Variants in KIAA0753 observed in about 807,000 individuals in gnomAD.
KIAA0753 encodes the protein KIAA0753.
A neutral mutation model predicts 116.9 loss-of-function variants in KIAA0753; 114 were observed. That is an observed-to-expected ratio of 0.98 (90% CI 0.84 to 1.14). The LOEUF is 1.14. KIAA0753 is among the 50% of genes most tolerant of loss of function. KIAA0753 has a pLI of 0.00. For missense variants in KIAA0753, 1,156 were observed against 1,172.4 expected, an observed-to-expected ratio of 0.99 and a Z score of 0.20; for synonymous variants, 405 against 413.1, an observed-to-expected ratio of 0.98 and a Z score of 0.24.
intron 12 of KIAA0753, among the ~76,000 whole-genome samples, chr17:6,606,352 G>A (rs1970194389): frequency 6.6e-6 from 1 of 152,174 alleles, no homozygotes; most frequent in Admixed American, 6.5e-5. Flanking sequence ...GGAAAAATGA[G>A]GTAATTGCAG....
intron 5 of KIAA0753, 142 bp from the exon 6 acceptor site, chr17:6,623,239 T>C (rs1407181352): frequency 1.8e-5 from 16 of 882,218 alleles, no homozygotes; most frequent in Non-Finnish European, 2.4e-5. Context: ...GTAAAGGGAG[T>C]TGTAAAGTTT....
At chr17:6,583,804 T>C (rs1358071670) in intron 18 of KIAA0753, among the ~76,000 whole-genome samples, 1 of 152,224 alleles carries the variant, frequency 6.6e-6, no homozygotes, top group Non-Finnish European at 1.5e-5. Context: ...ATAGCTCTAA[T>C]GTTTGTATCT....
In KIAA0753 at chr17:6,635,100, C is replaced by T; in HGVS notation, c.4G>A (p.Gly2Arg). MGPGQPASTCVH... is the reference protein window; with the variant it reads MRPGQPASTCVH... ...CAGGTTGAAGCTGGCTGGCCTGGTC[C>T]CATAATGTCAGGTAGTACAGAACAA... The change falls in exon 2 of 19, where the codon GGA becomes AGA. Residue 2 changes from glycine (G) to arginine (R), a missense_variant. Gly to Arg is a moderately radical substitution (Grantham distance 125). Coordinates refer to ENST00000361413, the MANE Select transcript of KIAA0753 (RefSeq NM_014804.3). The T allele has an allele frequency of 1.9e-6, 3 of 1,612,090 alleles. No homozygotes were observed. Among genetic ancestry groups the T allele is most frequent in the Non-Finnish European group, 2.5e-6 (3 of 1,178,202 alleles).
rs1968001615 is a variant in KIAA0753, at chr17:6,579,751, G to A, written c.2900C>T (p.Thr967Ile). The A allele has an allele frequency of 1.2e-6, 2 of 1,607,398 alleles. No homozygotes were observed. Among genetic ancestry groups the A allele is most frequent in the Non-Finnish European group, 1.7e-6 (2 of 1,174,334 alleles). Reference sequence around the variant, plus strand: ...TGGCCTCGCCTCAGAGAGCCTTTATGTAGCAGCCTCTAAGAATTCTGAGGT... The same window carrying A: ...TGGCCTCGCCTCAGAGAGCCTTTATATAGCAGCCTCTAAGAATTCTGAGGT... ...VFTSEFLEAA[T>I] Residue 967 changes from threonine to isoleucine, a missense_variant, in exon 19 of 19, where the codon ACA becomes ATA. By Grantham distance (89) the Thr-to-Ile change is moderately conservative. Coordinates refer to ENST00000361413, the MANE Select transcript of KIAA0753 (RefSeq NM_014804.3).
In KIAA0753 at chr17:6,624,902, C is replaced by T. The variant is rs922522372; in HGVS notation, c.719-41G>A. 3.8e-6 allele frequency: 5 copies of T among 1,306,690 alleles called. No homozygotes were observed. The African/African-American group carries it at 5.9e-5, about 15-fold the overall frequency. The allele number at this position is 1,306,690 out of a possible 1,614,324, so 80.9% of individuals were successfully genotyped here. A position where few individuals can be genotyped will look rare whatever the true frequency, so the allele number is the denominator to read the frequency against. On this transcript the variant is annotated intron_variant, in intron 3 of 18. Coordinates refer to ENST00000361413, the MANE Select transcript of KIAA0753 (RefSeq NM_014804.3). ...GTTTTCCCCAAAAGTGGATTATAAA[C>T]CATATATTAAAACTTACAAAGACTT...
chr17:6,617,874 A>G (rs8079045), intron 7 of KIAA0753, among the ~76,000 whole-genome samples: 97,923 of 152,132 alleles, frequency 0.64, 32,200 homozygotes, highest in African/African-American at 0.78. Context: ...AGGCCAAGGC[A>G]GGCGGATCAC....
intron 9 of KIAA0753, among the ~76,000 whole-genome samples, chr17:6,609,413 C>G (rs953529104): frequency 1.3e-5 from 2 of 152,182 alleles, no homozygotes; most frequent in Non-Finnish European, 2.9e-5. Context: ...CCTCTTCTCT[C>G]TAGCCCTGTG....
intron 12 of KIAA0753, among the ~76,000 whole-genome samples, chr17:6,601,381 A>G (rs1969862972): frequency 6.6e-6 from 1 of 152,182 alleles, no homozygotes; most frequent in South Asian, 2.1e-4. Flanking sequence ...GGCAGCGGTC[A>G]CGTATGCAGG....
At chr17:6,615,224 T>C (rs1050635495) in intron 7 of KIAA0753, among the ~76,000 whole-genome samples, 2 of 152,172 alleles carry the variant, frequency 1.3e-5, no homozygotes, top group African/African-American at 2.4e-5. Flanking sequence ...CGTGAGCCAC[T>C]GCGCCTGGCC....
intron 18 of KIAA0753, among the ~76,000 whole-genome samples, chr17:6,587,168 G>A (rs1178136330): frequency 6.6e-6 from 1 of 152,048 alleles, no homozygotes; most frequent in Non-Finnish European, 1.5e-5. Flanking sequence ...GGAGGCGGAG[G>A]TTGCAGTGAG....
At chr17:6,619,053 A>AC (rs556571388) in intron 7 of KIAA0753, among the ~76,000 whole-genome samples, 2 of 152,142 alleles carry the variant, frequency 1.3e-5, no homozygotes, top group Non-Finnish European at 2.9e-5. Context: ...ACGTGGTGAA[A>AC]CCCCGTCTCT....
At chr17:6,600,540 A>C in intron 12 of KIAA0753, 82 bp from the exon 13 acceptor site, 1 of 1,069,604 alleles carries the variant, frequency 9.3e-7, no homozygotes, top group Non-Finnish European at 1.4e-6. Context: ...CTCCAGGAGA[A>C]GGGAAATAAA....
At position 6,611,913 on chromosome 17, in the gene KIAA0753, T is replaced by A; in HGVS notation, c.1545+6A>T. ...AATGGGCCAAAAGAGAGGAATGATT[T>A]CATACTTGCTGTCTTGCTGGCGCCA... On this transcript the variant is annotated splice_donor_region_variant and intron_variant, in intron 8 of 18. Coordinates refer to ENST00000361413, the MANE Select transcript of KIAA0753 (RefSeq NM_014804.3). 2.5e-6 allele frequency: 4 copies of A among 1,610,776 alleles called. No homozygotes were observed. Among genetic ancestry groups the A allele is most frequent in the Non-Finnish European group, 3.4e-6 (4 of 1,177,356 alleles).
chr17:6,620,092 G>A (rs1219883114), intron 7 of KIAA0753, among the ~76,000 whole-genome samples: 1 of 152,146 alleles, frequency 6.6e-6, no homozygotes, highest in Admixed American at 6.5e-5. Flanking sequence ...GATGGATAAA[G>A]AATATGAACA....
At chr17:6,590,077 T>C in intron 17 of KIAA0753, 74 bp from the exon 18 acceptor site, 1 of 1,128,366 alleles carries the variant, frequency 8.9e-7, no homozygotes, top group Middle Eastern at 2.3e-4. Flanking sequence ...TTTACCCTCA[T>C]GGTTTGATAG....
Position 6,578,722 on chromosome 17 carries a change from T to C in KIAA0753, c.*1025A>G, listed in dbSNP as rs1314904222. 1 of 152,256 alleles carries C rather than the reference T, an allele frequency of 6.6e-6. No homozygotes were observed. Among genetic ancestry groups the C allele is most frequent in the Non-Finnish European group, 1.5e-5 (1 of 68,046 alleles). 9.4% of individuals were successfully genotyped at this position (152,256 alleles called of 1,614,324 possible). On this transcript the variant is annotated 3_prime_UTR_variant, in exon 19 of 19. Coordinates refer to ENST00000361413, the MANE Select transcript of KIAA0753 (RefSeq NM_014804.3). ...AGGCTACGAATTGAGAGAAAGTCTT[T>C]CCAGGCAGTGGCCTGATTCTTACGC...
At chr17:6,631,970 C>T (rs1482746552) in intron 2 of KIAA0753, among the ~76,000 whole-genome samples, 1 of 151,996 alleles carries the variant, frequency 6.6e-6, no homozygotes, top group Non-Finnish European at 1.5e-5. Context: ...GCAACCTCCG[C>T]CTCCTGGGTT....
intron 12 of KIAA0753, among the ~76,000 whole-genome samples, chr17:6,603,780 GCTCT>G (rs1331482806): frequency 6.6e-6 from 1 of 152,140 alleles, no homozygotes. Flanking sequence ...AATAAAGTCT[GCTCT>G]CTCTATCAAA....
chr17:6,600,051 G>A (rs60237486), intron 13 of KIAA0753, among the ~76,000 whole-genome samples: 3,573 of 152,200 alleles, frequency 0.023, 156 homozygotes, highest in African/African-American at 0.081. Context: ...CCACTGAGGT[G>A]AAAAAACACA....
Sources: gnomAD v4.1 joint callset for allele counts (sites outside exome capture counted in the v4.1 genomes callset) on GRCh38, gnomAD v4.1.1 for gene constraint, MANE v1.5 for transcripts, NCBI Gene and HGNC (gene_info 2026-07-23, HGNC 2026-07-21) for gene names.